The following CNBD1 variants were observed in gnomAD, a reference collection of about 807,000 sequenced individuals.
The protein encoded by CNBD1 is cyclic nucleotide-binding domain-containing protein 1.
A neutral mutation model predicts 54.4 loss-of-function variants in CNBD1; 71 were observed. The observed-to-expected ratio is 1.30, with a 90% CI of 1.08 to 1.59. CNBD1 has a LOEUF of 1.59. Ranked by LOEUF, CNBD1 falls within the 40% of genes most tolerant of loss-of-function variation. CNBD1 has a pLI of 0.00. For synonymous variants in CNBD1, 182 were observed against 170.7 expected, an observed-to-expected ratio of 1.07 and a Z score of -0.51; for missense variants, 659 against 518.0, an observed-to-expected ratio of 1.27 and a Z score of -2.64.
chr8:86,984,668 C>T (rs2130515392), intron 4 of CNBD1, among the ~76,000 whole-genome samples: 1 of 152,214 alleles, frequency 6.6e-6, no homozygotes, highest in East Asian at 1.9e-4. Context: ...ATTTGACTGC[C>T]CCACTGGACT....
intron 6 of CNBD1, among the ~76,000 whole-genome samples, chr8:87,283,331 T>G (rs570676093): frequency 2.6e-4 from 40 of 152,156 alleles, no homozygotes; most frequent in African/African-American, 9.6e-4. Flanking sequence ...GGTTGTTCAA[T>G]TTTTTTCTCC....
intron 4 of CNBD1, among the ~76,000 whole-genome samples, chr8:87,197,798 T>C (rs1420365981): frequency 6.6e-6 from 1 of 152,254 alleles, no homozygotes; most frequent in African/African-American, 2.4e-5. Flanking sequence ...TTTAATCTTT[T>C]CTGTTAGTCA....
Position 87,114,015 on chromosome 8 carries a change from A to G in CNBD1, c.432-91978A>G, listed in dbSNP as rs141269678. On this transcript the variant is annotated intron_variant, in intron 4 of 10. Coordinates refer to ENST00000518476, the MANE Select transcript of CNBD1 (RefSeq NM_173538.3). ...GTCATAATAATGCTGTATTAATCTCACATGTAAGAATAAAAGTATAATATT... is the reference window on the plus strand; with the variant it reads ...GTCATAATAATGCTGTATTAATCTCGCATGTAAGAATAAAAGTATAATATT... Among the ~76,000 whole-genome samples the G allele has an allele frequency of 5.1e-4, 78 of 152,322 alleles. 1 individual carries two copies. Among genetic ancestry groups the G allele is most frequent in the African/African-American group, 1.6e-3 (66 of 41,576 alleles).
intron 6 of CNBD1, among the ~76,000 whole-genome samples, chr8:87,245,403 A>G (rs1048006157): frequency 1.3e-5 from 2 of 152,092 alleles, no homozygotes; most frequent in African/African-American, 4.8e-5. Context: ...TCACATATAA[A>G]CATTAACTCC....
chr8:86,942,986 A>G (rs1299603687), intron 4 of CNBD1, among the ~76,000 whole-genome samples: 2 of 152,162 alleles, frequency 1.3e-5, no homozygotes, highest in African/African-American at 2.4e-5. Context: ...GATGTTATCT[A>G]ATGAACTTTT....
At chr8:87,173,329 G>A (rs559359197) in intron 4 of CNBD1, among the ~76,000 whole-genome samples, 171 of 152,148 alleles carry the variant, frequency 1.1e-3, no homozygotes, top group Non-Finnish European at 2.1e-3. Context: ...CCACAATTAC[G>A]GTGTTATAAT....
At chr8:87,358,195 A>G (rs962096906) in intron 10 of CNBD1, among the ~76,000 whole-genome samples, 2 of 152,314 alleles carry the variant, frequency 1.3e-5, no homozygotes, top group African/African-American at 4.8e-5. Context: ...CTTCATAGCA[A>G]TGCAAAACTG....
chr8:87,257,122 C>T (rs959429452), intron 6 of CNBD1, among the ~76,000 whole-genome samples: 30 of 151,972 alleles, frequency 2.0e-4, no homozygotes, highest in Admixed American at 1.2e-3. Flanking sequence ...GTAATCCCAG[C>T]GCTTTGGGAG....
chr8:86,869,396 C>A lies in CNBD1; in HGVS notation c.88+2813C>A, dbSNP rs545946181. Among the ~76,000 whole-genome samples the A allele has an allele frequency of 2.6e-5, 4 of 152,290 alleles. No individual in the cohort carries two copies. In the East Asian group the frequency reaches 7.7e-4, roughly 29 times the overall value. On this transcript the variant is annotated intron_variant, in intron 1 of 10. Transcript: ENST00000518476. ...ATTCCGGGTTGCCCCTTACCTCCTGCCCTGAATTTCTTGCCCATTTGGCTA... is the reference window on the plus strand; with the variant it reads ...ATTCCGGGTTGCCCCTTACCTCCTGACCTGAATTTCTTGCCCATTTGGCTA...
At chr8:87,308,426 T>G (rs77510279) in intron 8 of CNBD1, among the ~76,000 whole-genome samples, 5,306 of 152,258 alleles carry the variant, frequency 0.035, 299 homozygotes, top group African/African-American at 0.12. Flanking sequence ...AGCTTGGATA[T>G]GCTTTGTCTT....
intron 6 of CNBD1, among the ~76,000 whole-genome samples, chr8:87,238,322 C>A (rs1380131738): frequency 6.6e-6 from 1 of 152,148 alleles, no homozygotes; most frequent in Non-Finnish European, 1.5e-5. Flanking sequence ...ACTCTACCCA[C>A]TACCAAGTAT....
At chr8:87,368,537 C>T (rs1028880399) in intron 10 of CNBD1, among the ~76,000 whole-genome samples, 2 of 151,778 alleles carry the variant, frequency 1.3e-5, no homozygotes, top group African/African-American at 4.8e-5. Flanking sequence ...ACTTGGTGGA[C>T]TAAGGCAGGA....
chr8:87,110,413 A>G (rs566720865), intron 4 of CNBD1, among the ~76,000 whole-genome samples: 35 of 152,276 alleles, frequency 2.3e-4, no homozygotes, highest in African/African-American at 4.1e-4. Flanking sequence ...GACCTTCTGC[A>G]TCACCTAATG....
At chr8:86,995,431 T>G (rs1808847166) in intron 4 of CNBD1, among the ~76,000 whole-genome samples, 1 of 152,242 alleles carries the variant, frequency 6.6e-6, no homozygotes. Context: ...AGTGAGTGGC[T>G]GGATATGGCC....
chr8:87,308,124 C>T (rs901914763), intron 8 of CNBD1, among the ~76,000 whole-genome samples: 2 of 152,044 alleles, frequency 1.3e-5, no homozygotes, highest in African/African-American at 4.8e-5. Context: ...CCTGATTGTT[C>T]TAGGAAAAAT....
At chr8:87,106,521 G>A (rs918009848) in intron 4 of CNBD1, among the ~76,000 whole-genome samples, 3 of 152,078 alleles carry the variant, frequency 2.0e-5, no homozygotes, top group Non-Finnish European at 2.9e-5. Context: ...AATATTCGAT[G>A]TTTCTATAGA....
In CNBD1 at chr8:87,122,293, A is replaced by G. The variant is rs527680783; in HGVS notation, c.432-83700A>G. Among the ~76,000 whole-genome samples, 32 of 151,672 alleles carry G rather than the reference A, an allele frequency of 2.1e-4. 1 individual carries two copies. In the South Asian group the frequency reaches 6.4e-3, roughly 30 times the overall value. ...AGATAATATCTCGTTTTTAATTTGCATTTTTCTATAGTGATGCTGAACATT... is the reference window on the plus strand; with the variant it reads ...AGATAATATCTCGTTTTTAATTTGCGTTTTTCTATAGTGATGCTGAACATT... On this transcript the variant is annotated intron_variant, in intron 4 of 10. Coordinates refer to ENST00000518476, the MANE Select transcript of CNBD1 (RefSeq NM_173538.3).
intron 2 of CNBD1, among the ~76,000 whole-genome samples, chr8:86,903,627 G>A (rs1029716491): frequency 6.6e-6 from 1 of 151,974 alleles, no homozygotes; most frequent in African/African-American, 2.4e-5. Flanking sequence ...CATTTGTACC[G>A]TATATCCTCC....
chr8:87,335,058 C>G (rs536158039), intron 8 of CNBD1, among the ~76,000 whole-genome samples: 1 of 152,240 alleles, frequency 6.6e-6, no homozygotes, highest in East Asian at 1.9e-4. Context: ...TTTGATTGCA[C>G]TATGGTCTGA....
Sources: gnomAD v4.1 joint callset for allele counts (sites outside exome capture counted in the v4.1 genomes callset) on GRCh38, gnomAD v4.1.1 for gene constraint, MANE v1.5 for transcripts, NCBI Gene and HGNC (gene_info 2026-07-23, HGNC 2026-07-21) for gene names.